SS18L1: variants seen among roughly 807,000 people sequenced by gnomAD.
SS18L1 encodes the protein SS18L1 subunit of BAF chromatin remodeling complex.
In SS18L1, 32 loss-of-function variants were observed where a neutral mutation model predicts 70.3. The ratio of observed to expected loss-of-function variants is 0.46; its 90% CI spans 0.34 to 0.61. SS18L1 has a LOEUF of 0.61. Ranked by LOEUF, SS18L1 falls within the 20% of genes least tolerant of loss-of-function variation. SS18L1 has a pLI of 0.01. For missense variants in SS18L1, 430 were observed against 542.1 expected (o/e 0.79, Z 2.05); for synonymous variants, 237 against 229.7 (o/e 1.03, Z -0.29).
intron 8 of SS18L1, among the ~76,000 whole-genome samples, chr20:62,170,147 C>T (rs2057504365): frequency 6.6e-6 from 1 of 152,244 alleles, no homozygotes; most frequent in African/African-American, 2.4e-5. Flanking sequence ...TTGTTTCACA[C>T]ACAGATGCGC....
chr20:62,154,541 C>T, intron 1 of SS18L1: 1 of 1,015,278 alleles, frequency 9.8e-7, no homozygotes, highest in Non-Finnish European at 1.2e-6. Context: ...GGGACTGGGT[C>T]ATCACACCTC....
chr20:62,177,520 G>A (rs943359130), intron 10 of SS18L1, among the ~76,000 whole-genome samples: 2 of 152,202 alleles, frequency 1.3e-5, no homozygotes, highest in Non-Finnish European at 2.9e-5. Flanking sequence ...CCACTTCCTC[G>A]CTGGGGGCAT....
intron 9 of SS18L1, 139 bp downstream of exon 9, chr20:62,172,940 CG>C: frequency 6.7e-7 from 1 of 1,502,548 alleles, no homozygotes. Flanking sequence ...GCACGCTCCT[CG>C]GGGCCCCCCA....
chr20:62,154,762 A>G (rs1299215994), intron 1 of SS18L1, among the ~76,000 whole-genome samples: 2 of 152,126 alleles, frequency 1.3e-5, no homozygotes, highest in Non-Finnish European at 1.5e-5. Flanking sequence ...CAATGGGGAA[A>G]TGCGTCCTTC....
chr20:62,146,605 A>ATTTTTTTTTTTTTTTTTTGTTTTT (rs2057032183), intron 1 of SS18L1, among the ~76,000 whole-genome samples: 1 of 79,714 alleles, frequency 1.3e-5, no homozygotes, highest in Non-Finnish European at 2.2e-5. Context: ...TGCTTTGATC[A>ATTTTTTTTTTTTTTTTTTGTTTTT]TTTTTTTTTT....
In SS18L1 at chr20:62,158,025, T is replaced by G. The variant is rs761146214; in HGVS notation, c.70-647T>G. ...GAGTGCCCTGGACCCCTGCTGATCCTTGGGAGGGGGCAGTTACCTGTGCCC... is the reference window on the plus strand; with the variant it reads ...GAGTGCCCTGGACCCCTGCTGATCCGTGGGAGGGGGCAGTTACCTGTGCCC... On this transcript the variant is annotated intron_variant, in intron 1 of 10. Transcript: ENST00000331758. The surrounding 1 kb of genome is among the most constrained non-coding windows in gnomAD (Gnocchi z 4.5). Among the ~76,000 whole-genome samples the G allele has an allele frequency of 6.6e-6, 1 of 152,188 alleles. No homozygotes were observed. The highest frequency in any genetic ancestry group is 2.4e-5 in the African/African-American group (1 of 41,442).
At chr20:62,164,335 A>G (rs2057389468) in intron 7 of SS18L1, 89 bp downstream of exon 7, 4 of 1,282,438 alleles carry the variant, frequency 3.1e-6, no homozygotes, top group East Asian at 2.6e-5. Flanking sequence ...GGGTGTGGCC[A>G]CTGCAGTGTG....
rs532449313 is a variant in SS18L1 at position 62,181,081 on chromosome 20, G to C, written c.*1873G>C. On this transcript the variant is annotated 3_prime_UTR_variant, in exon 11 of 11. Transcript: ENST00000331758. ...TGAAGAACTGAGGCACAGATTAAAGGACTTGCCTGTGTTGAATACCAGTCC... is the reference window on the plus strand; with the variant it reads ...TGAAGAACTGAGGCACAGATTAAAGCACTTGCCTGTGTTGAATACCAGTCC... The C allele has an allele frequency of 5.3e-6, 1 of 189,844 alleles. No individual in the cohort carries two copies. Among genetic ancestry groups the C allele is most frequent in the Non-Finnish European group, 1.1e-5 (1 of 90,436 alleles). 11.8% of individuals were successfully genotyped at this position (189,844 alleles called of 1,614,324 possible).
chr20:62,161,443 C>T lies in SS18L1; in HGVS notation c.239C>T (p.Thr80Met), dbSNP rs762463310. ...NMQSLLPAPP[T>M]QNMNLGPGAL... ...ACTTCCTGTTGCCTGCAGCCGCCCA[C>T]GCAGAACATGAACCTGGGCCCTGGA... The change falls in exon 4 of 11, where the codon ACG becomes ATG. Residue 80 changes from threonine to methionine, a missense_variant. Physicochemically the swap from Thr to Met is moderately conservative, Grantham distance 81. Coordinates refer to ENST00000331758, the MANE Select transcript of SS18L1 (RefSeq NM_198935.3). The surrounding 1 kb of genome is among the most constrained non-coding windows in gnomAD (Gnocchi z 4.4). 5.0e-6 allele frequency: 8 copies of T among 1,612,798 alleles called. No individual in the cohort carries two copies. The highest frequency in any genetic ancestry group is 2.7e-5 in the African/African-American group (2 of 74,906).
chr20:62,167,034 G>GGTTGTTTTTTT (rs2057444570), intron 8 of SS18L1, among the ~76,000 whole-genome samples: 1 of 123,496 alleles, frequency 8.1e-6, no homozygotes, highest in Non-Finnish European at 1.6e-5. Flanking sequence ...GAGCTCAGGA[G>GGTTGTTTTTTT]TTTGTTTGTT....
chr20:62,164,442 G>A (rs1311496355), intron 7 of SS18L1, among the ~76,000 whole-genome samples, 196 bp downstream of exon 7: 2 of 152,258 alleles, frequency 1.3e-5, no homozygotes, highest in Admixed American at 6.5e-5. Context: ...GCTGGCAGTG[G>A]TGCCTGGCCT....
At chr20:62,154,613 C>A in intron 1 of SS18L1, 1 of 848,316 alleles carries the variant, frequency 1.2e-6, no homozygotes, top group Non-Finnish European at 1.4e-6. Context: ...TCGTTGCACC[C>A]TGCGGGCCCA....
chr20:62,143,845 CG>C lies in SS18L1; in HGVS notation c.27del (p.Pro10GlnfsTer22). 7.5e-7 allele frequency: 1 copy of C among 1,327,428 alleles called. No individual in the cohort carries two copies. The highest frequency in any genetic ancestry group is 1.4e-5 in the South Asian group (1 of 71,714). 82.2% of individuals were successfully genotyped at this position (1,327,428 alleles called of 1,614,324 possible). A position where few individuals can be genotyped will look rare whatever the true frequency, so the allele number is the denominator to read the frequency against. MSVAFASA[R>X]PRGKGEVTQQ... ...CATGTCCGTGGCCTTCGCGTCTGCC[CG>C]GCCAAGAGGCAAAGGGGAGGTTACG... On this transcript the variant is annotated frameshift_variant, in exon 1 of 11. Coordinates refer to ENST00000331758, the MANE Select transcript of SS18L1 (RefSeq NM_198935.3). LOFTEE classifies it high-confidence loss of function.
At chr20:62,163,738 G>C (rs1375646370) in intron 6 of SS18L1, 116 bp downstream of exon 6, 1 of 1,374,936 alleles carries the variant, frequency 7.3e-7, no homozygotes, top group African/African-American at 1.5e-5. Flanking sequence ...GAGCCTGGGG[G>C]AGTGAGGCTT....
At chr20:62,150,632 G>T (rs1055767302) in intron 1 of SS18L1, among the ~76,000 whole-genome samples, 1 of 53,072 alleles carries the variant, frequency 1.9e-5, no homozygotes, top group Non-Finnish European at 5.2e-5. Context: ...CATTGAGGTG[G>T]ATTTTTTTTT....
At chr20:62,165,179 TC>T (rs1278695703) in intron 7 of SS18L1, among the ~76,000 whole-genome samples, 6 of 152,220 alleles carry the variant, frequency 3.9e-5, no homozygotes, top group Admixed American at 1.3e-4. Context: ...AAAGCGCTGA[TC>T]CTCTGCATAA....
chr20:62,153,946 G>A (rs879342271), intron 1 of SS18L1, among the ~76,000 whole-genome samples: 21 of 152,128 alleles, frequency 1.4e-4, no homozygotes, highest in Non-Finnish European at 2.2e-4. Context: ...GCATGTTAAC[G>A]CCACCTCACT....
rs891537275 is a variant in SS18L1 at position 62,164,173 on chromosome 20, G to T, written c.750G>T (p.Glu250Asp). The change falls in exon 7 of 11, where the codon GAG becomes GAT. Residue 250 changes from glutamate (E) to aspartate (D), a missense_variant. Glu to Asp is a conservative substitution (Grantham distance 45). Coordinates refer to ENST00000331758, the MANE Select transcript of SS18L1 (RefSeq NM_198935.3). ...QGSSQQYLGQ[E>D]EYYGEQYSHS... Reference sequence around the variant, plus strand: ...CTTCCCAGCAGTACCTGGGCCAGGAGGAGTACTATGGCGAGCAGTACAGCC... The same window carrying T: ...CTTCCCAGCAGTACCTGGGCCAGGATGAGTACTATGGCGAGCAGTACAGCC... 2.7e-5 allele frequency: 42 copies of T among 1,550,170 alleles called. No homozygotes were observed. The highest frequency in any genetic ancestry group is 3.7e-5 in the Non-Finnish European group (42 of 1,146,704).
intron 10 of SS18L1, among the ~76,000 whole-genome samples, chr20:62,178,016 CTTTTTTT>C (rs770157620): frequency 9.9e-6 from 1 of 101,378 alleles, no homozygotes; most frequent in East Asian, 2.9e-4. Flanking sequence ...TGTGCCTGGC[CTTTTTTT>C]TTTTTTTTTT....
Sources: allele counts gnomAD v4.1 joint callset (sites outside exome capture counted in the v4.1 genomes callset), GRCh38; gene constraint gnomAD v4.1.1; non-coding constraint Gnocchi (gnomAD v3.1); transcripts MANE v1.5; gene names NCBI Gene and HGNC (gene_info 2026-07-23, HGNC 2026-07-21).